Variants in GPATCH2L observed in about 807,000 individuals in gnomAD.
GPATCH2L encodes the protein G-patch domain containing 2 like, also known as G patch domain-containing protein 2-like.
A neutral mutation model predicts 57.4 loss-of-function variants in GPATCH2L; 31 were observed. The observed-to-expected ratio is 0.54, with a 90% CI of 0.41 to 0.73. The LOEUF is 0.73. Ranked by LOEUF, GPATCH2L falls within the 30% of genes least tolerant of loss-of-function variation. The probability of loss-of-function intolerance (pLI) is 0.00; values close to 1 mark genes in which losing one functional copy is unlikely to be tolerated. For synonymous variants in GPATCH2L, 199 were observed against 210.7 expected, an observed-to-expected ratio of 0.94 and a Z score of 0.48; for missense variants, 481 against 599.9, an observed-to-expected ratio of 0.80 and a Z score of 2.07.
chr14:76,180,031 A>C (rs1434598980), intron 7 of GPATCH2L: 1 of 9,296 alleles, frequency 1.1e-4, no homozygotes, highest in Non-Finnish European at 4.4e-4. Context: ...CTAAAAATAC[A>C]AAAAAAAAAA....
chr14:76,161,955 G>A (rs2038606438), intron 2 of GPATCH2L, among the ~76,000 whole-genome samples: 1 of 152,152 alleles, frequency 6.6e-6, no homozygotes, highest in Admixed American at 6.5e-5. Flanking sequence ...AGAATTGCCT[G>A]AACCTGGGAG....
At chr14:76,197,468 G>A (rs1289452484) in intron 9 of GPATCH2L, among the ~76,000 whole-genome samples, 1 of 152,140 alleles carries the variant, frequency 6.6e-6, no homozygotes, top group African/African-American at 2.4e-5. Context: ...TGAGCATTAA[G>A]CATTTCCCCT....
At chr14:76,161,466 T>C (rs1466697541) in intron 2 of GPATCH2L, among the ~76,000 whole-genome samples, 3 of 152,188 alleles carry the variant, frequency 2.0e-5, no homozygotes, top group African/African-American at 4.8e-5. Flanking sequence ...ATTCTGTACC[T>C]CCTTATTATA....
At chr14:76,233,372 A>G (rs1396134685) in intron 2 of GPATCH2L, among the ~76,000 whole-genome samples, 1 of 152,242 alleles carries the variant, frequency 6.6e-6, no homozygotes, top group Non-Finnish European at 1.5e-5. Context: ...TGATAGATAC[A>G]AAGTGGTGGT....
intron 1 of GPATCH2L, among the ~76,000 whole-genome samples, chr14:76,224,158 A>T (rs894764663): frequency 3.3e-5 from 5 of 152,198 alleles, no homozygotes; most frequent in African/African-American, 9.6e-5. Flanking sequence ...TTCCACTTAC[A>T]TGAAATGTTC....
Position 76,201,995 on chromosome 14 carries a change from G to T in GPATCH2L, c.*144G>T. Reference sequence around the variant, plus strand: ...AACTCCTCTTTCAAACACAGCAGTGGATTCTTTCTCTCAGAAGATCATGTT... The same window carrying T: ...AACTCCTCTTTCAAACACAGCAGTGTATTCTTTCTCTCAGAAGATCATGTT... On this transcript the variant is annotated 3_prime_UTR_variant, in exon 10 of 10. Coordinates refer to ENST00000261530, the MANE Select transcript of GPATCH2L (RefSeq NM_017926.4). 2 of 610,210 alleles carry T rather than the reference G, an allele frequency of 3.3e-6. No individual in the cohort carries two copies. Among genetic ancestry groups the T allele is most frequent in the East Asian group, 2.9e-5 (1 of 34,472 alleles). 37.8% of individuals were successfully genotyped at this position (610,210 alleles called of 1,614,324 possible).
intron 2 of GPATCH2L, among the ~76,000 whole-genome samples, chr14:76,159,310 CA>C (rs1251405595): frequency 6.6e-6 from 1 of 152,228 alleles, no homozygotes; most frequent in African/African-American, 2.4e-5. Context: ...CAGTCATCTT[CA>C]AAGATTCATT....
At chr14:76,218,259 G>A (rs978037907), downstream of GPATCH2L, among the ~76,000 whole-genome samples, 1 of 152,014 alleles carries the variant, frequency 6.6e-6, no homozygotes, top group Non-Finnish European at 1.5e-5. Flanking sequence ...AATTAGAAGA[G>A]AAGAGAAAAT....
rs926768005 is a variant in GPATCH2L at position 76,203,358 on chromosome 14, G to A, written c.*1507G>A. On this transcript the variant is annotated 3_prime_UTR_variant, in exon 10 of 10. Transcript: ENST00000261530. ...GGAATATGGTAGAGGGAGAGCAGGT[G>A]TAGATGATGGGACGGGAAAGTGCTG... 2 of 152,350 alleles carry A rather than the reference G, an allele frequency of 1.3e-5. No homozygotes were observed. Among genetic ancestry groups the A allele is most frequent in the African/African-American group, 4.8e-5 (2 of 41,458 alleles). 9.4% of individuals were successfully genotyped at this position (152,350 alleles called of 1,614,324 possible). A position where few individuals can be genotyped will look rare whatever the true frequency, so the allele number is the denominator to read the frequency against.
At chr14:76,182,749 C>T (rs2039624531) in intron 8 of GPATCH2L, among the ~76,000 whole-genome samples, 1 of 152,030 alleles carries the variant, frequency 6.6e-6, no homozygotes. Context: ...TAGATACTGC[C>T]CTCAAGGAGC....
intron 3 of GPATCH2L, 56 bp from the exon 4 acceptor site, chr14:76,171,787 G>A: frequency 9.5e-7 from 1 of 1,056,886 alleles, no homozygotes; most frequent in Non-Finnish European, 1.3e-6. Context: ...CCTCCCATTT[G>A]TTTTTCTCAG....
At chr14:76,176,739 G>T (rs1355681694) in intron 6 of GPATCH2L, 49 bp downstream of exon 6, 2 of 1,235,938 alleles carry the variant, frequency 1.6e-6, no homozygotes, top group Non-Finnish European at 2.4e-6. Flanking sequence ...CCTTGGAGGA[G>T]GAGGCAGAGG....
intron 8 of GPATCH2L, among the ~76,000 whole-genome samples, chr14:76,194,073 C>T (rs1338576427): frequency 3.3e-5 from 5 of 152,066 alleles, no homozygotes; most frequent in Admixed American, 2.0e-4. Flanking sequence ...AGGGAATTAC[C>T]ACCACTCCGT....
chr14:76,197,435 G>T (rs979975389), intron 9 of GPATCH2L, among the ~76,000 whole-genome samples: 1 of 152,170 alleles, frequency 6.6e-6, no homozygotes, highest in African/African-American at 2.4e-5. Context: ...GTACGTGTGT[G>T]GGGGTGGGTA....
intron 8 of GPATCH2L, among the ~76,000 whole-genome samples, chr14:76,192,194 T>G (rs964087386): frequency 6.6e-6 from 1 of 151,756 alleles, no homozygotes; most frequent in African/African-American, 2.4e-5. Context: ...CTCTTCCTTC[T>G]TTGTCCTCTA....
At chr14:76,165,979 A>G (rs773318043) in intron 2 of GPATCH2L, among the ~76,000 whole-genome samples, 57 of 152,258 alleles carry the variant, frequency 3.7e-4, no homozygotes, top group Non-Finnish European at 6.9e-4. Flanking sequence ...AATCAAATTT[A>G]GAAGCACACC....
intron 2 of GPATCH2L, chr14:76,230,282 T>G (rs1422100213): frequency 6.6e-6 from 1 of 152,204 alleles, no homozygotes; most frequent in Non-Finnish European, 1.5e-5. Flanking sequence ...GTGTGTGTTG[T>G]AAATGAACCC....
downstream of GPATCH2L, among the ~76,000 whole-genome samples, chr14:76,214,829 A>G (rs1001057423): frequency 6.6e-6 from 1 of 152,170 alleles, no homozygotes; most frequent in African/African-American, 2.4e-5. Flanking sequence ...TTAGCTTAGT[A>G]TAATCTAAGC....
chr14:76,197,569 G>A (rs1250923864), intron 9 of GPATCH2L, among the ~76,000 whole-genome samples: 1 of 152,110 alleles, frequency 6.6e-6, no homozygotes, highest in Non-Finnish European at 1.5e-5. Flanking sequence ...GTGCCCCATG[G>A]AGGTGAAGGA....
Sources: allele counts gnomAD v4.1 joint callset (sites outside exome capture counted in the v4.1 genomes callset), GRCh38; gene constraint gnomAD v4.1.1; transcripts MANE v1.5; gene names NCBI Gene and HGNC (gene_info 2026-07-23, HGNC 2026-07-21).